The following CNTN5 variants were observed in gnomAD, a reference collection of about 807,000 sequenced individuals.
CNTN5 encodes contactin-5.
Under a neutral mutation model 129.1 loss-of-function variants are expected in CNTN5, and 77 were observed. That is an observed-to-expected ratio of 0.60 (90% CI 0.50 to 0.72). CNTN5 has a LOEUF of 0.72. CNTN5 is among the 30% of genes least tolerant of loss of function. The pLI is 0.00. For synonymous variants in CNTN5, 509 were observed against 465.6 expected (o/e 1.09, Z -1.20); for missense variants, 1,478 against 1,328.8 (o/e 1.11, Z -1.75).
chr11:99,424,909 G>A (rs141870163), intron 2 of CNTN5, among the ~76,000 whole-genome samples: 3 of 152,330 alleles, frequency 2.0e-5, no homozygotes, highest in Admixed American at 2.0e-4. Context: ...AAGCGTCACT[G>A]AGACAGAACA....
intron 2 of CNTN5, among the ~76,000 whole-genome samples, chr11:99,534,786 A>T (rs1227939632): frequency 6.6e-6 from 1 of 152,200 alleles, no homozygotes; most frequent in Non-Finnish European, 1.5e-5. Context: ...TTCTATGAGC[A>T]TGTAGTAAAG....
At chr11:100,023,273 T>C (rs1941256689) in intron 9 of CNTN5, among the ~76,000 whole-genome samples, 1 of 152,220 alleles carries the variant, frequency 6.6e-6, no homozygotes, top group Non-Finnish European at 1.5e-5. Context: ...CAATATTTGA[T>C]CTTCTGTTAA....
intron 1 of CNTN5, among the ~76,000 whole-genome samples, chr11:99,207,404 T>C (rs10892908): frequency 0.34 from 51,934 of 151,974 alleles, 9,313 homozygotes; most frequent in Middle Eastern, 0.5. Context: ...TGTATCATAT[T>C]GCTGAAGCAC....
intron 2 of CNTN5, among the ~76,000 whole-genome samples, chr11:99,500,636 A>C (rs1248415473): frequency 6.6e-6 from 1 of 151,738 alleles, no homozygotes; most frequent in Non-Finnish European, 1.5e-5. Context: ...GCATAGCATT[A>C]TTTTTTCATG....
intron 8 of CNTN5, among the ~76,000 whole-genome samples, chr11:99,992,806 G>A (rs1479321067): frequency 6.6e-6 from 1 of 152,160 alleles, no homozygotes; most frequent in Non-Finnish European, 1.5e-5. Flanking sequence ...GGAGAGTAAT[G>A]TGCTTTCAGC....
intron 7 of CNTN5, among the ~76,000 whole-genome samples, chr11:99,927,470 C>T (rs918369120): frequency 1.1e-4 from 17 of 152,104 alleles, no homozygotes; most frequent in South Asian, 4.1e-4. Flanking sequence ...AAAGGAAAGA[C>T]GTTTAATTGA....
chr11:99,898,766 A>G (rs2135940502), intron 6 of CNTN5, among the ~76,000 whole-genome samples: 2 of 151,808 alleles, frequency 1.3e-5, no homozygotes, highest in South Asian at 4.1e-4. Flanking sequence ...CTTTATTCTA[A>G]TGATTCTCTG....
At chr11:99,268,594 G>A (rs1863018525) in intron 1 of CNTN5, among the ~76,000 whole-genome samples, 1 of 151,892 alleles carries the variant, frequency 6.6e-6, no homozygotes, top group Non-Finnish European at 1.5e-5. Context: ...AGAAGTCATA[G>A]TATCTTTAAT....
chr11:99,934,004 CTTG>C (rs1243426052), intron 7 of CNTN5, among the ~76,000 whole-genome samples: 1 of 152,148 alleles, frequency 6.6e-6, no homozygotes, highest in Non-Finnish European at 1.5e-5. Flanking sequence ...ATAGGAAAAT[CTTG>C]TTATTACCCT....
At chr11:99,841,820 G>A (rs1420484139) in intron 4 of CNTN5, among the ~76,000 whole-genome samples, 4 of 138,668 alleles carry the variant, frequency 2.9e-5, no homozygotes, top group Admixed American at 1.5e-4. Context: ...GTGTATATAT[G>A]TGTGTATATA....
At chr11:99,463,235 G>C (rs1258311738) in intron 2 of CNTN5, among the ~76,000 whole-genome samples, 1 of 150,810 alleles carries the variant, frequency 6.6e-6, no homozygotes, top group Non-Finnish European at 1.5e-5. Context: ...TCAGGAGATC[G>C]AGACCATCCT....
chr11:99,915,168 A>T (rs1292563601), intron 6 of CNTN5, among the ~76,000 whole-genome samples: 1 of 152,116 alleles, frequency 6.6e-6, no homozygotes. Flanking sequence ...AAAAATATTG[A>T]ACTCCTACCA....
intron 1 of CNTN5, among the ~76,000 whole-genome samples, chr11:99,192,666 C>T (rs897088633): frequency 6.6e-6 from 1 of 151,912 alleles, no homozygotes; most frequent in Non-Finnish European, 1.5e-5. Context: ...ACTGAACATG[C>T]TACAAACAAA....
At chr11:99,858,061 T>A (rs1948093908) in intron 6 of CNTN5, among the ~76,000 whole-genome samples, 1 of 152,110 alleles carries the variant, frequency 6.6e-6, no homozygotes, top group South Asian at 2.1e-4. Context: ...AAAAGTTACC[T>A]CTTTCAGTCA....
chr11:99,428,317 C>T (rs536736637), intron 2 of CNTN5, among the ~76,000 whole-genome samples: 17 of 151,952 alleles, frequency 1.1e-4, no homozygotes, highest in South Asian at 6.2e-4. Context: ...CCCAGCACTT[C>T]GGAGGGCCAA....
chr11:99,490,522 G>A (rs1945995400), intron 2 of CNTN5, among the ~76,000 whole-genome samples: 1 of 152,070 alleles, frequency 6.6e-6, no homozygotes, highest in Non-Finnish European at 1.5e-5. Context: ...TTTTCAGTGT[G>A]CGTTCCTCAG....
intron 2 of CNTN5, among the ~76,000 whole-genome samples, chr11:99,411,386 G>C (rs1299923826): frequency 6.6e-6 from 1 of 152,088 alleles, no homozygotes; most frequent in Non-Finnish European, 1.5e-5. Flanking sequence ...TGGGTGTGGT[G>C]GTGCCCACCT....
At chr11:99,069,706 T>A (rs545328571) in intron 1 of CNTN5, among the ~76,000 whole-genome samples, 2 of 152,314 alleles carry the variant, frequency 1.3e-5, no homozygotes, top group South Asian at 2.1e-4. Context: ...GTACTATTTT[T>A]AAAAAGAATT....
At chr11:99,840,643 AC>A (rs1947457671) in intron 4 of CNTN5, among the ~76,000 whole-genome samples, 1 of 152,084 alleles carries the variant, frequency 6.6e-6, no homozygotes, top group African/African-American at 2.4e-5. Flanking sequence ...GAGGAAAAAA[AC>A]ACAGAAAACC....
Sources: gnomAD v4.1 joint callset for allele counts (sites outside exome capture counted in the v4.1 genomes callset) on GRCh38, gnomAD v4.1.1 for gene constraint, MANE v1.5 for transcripts, NCBI Gene and HGNC (gene_info 2026-07-23, HGNC 2026-07-21) for gene names.